CCDC192: variants seen among roughly 807,000 people sequenced by gnomAD.
The protein encoded by CCDC192 is coiled-coil domain containing 192.
intron 2 of CCDC192, among the ~76,000 whole-genome samples, chr5:127,732,827 A>C (rs561033160): frequency 6.6e-6 from 1 of 152,234 alleles, no homozygotes; most frequent in South Asian, 2.1e-4. Context: ...AATAACACAC[A>C]CTGGGGCCTG....
chr5:127,881,123 T>C (rs1752335810), intron 6 of CCDC192, among the ~76,000 whole-genome samples: 1 of 152,202 alleles, frequency 6.6e-6, no homozygotes, highest in Admixed American at 6.5e-5. Flanking sequence ...TCCAGTGGTA[T>C]AATTTCAGAC....
chr5:127,763,018 G>A (rs754897218), intron 3 of CCDC192, among the ~76,000 whole-genome samples: 10 of 151,416 alleles, frequency 6.6e-5, no homozygotes, highest in Non-Finnish European at 1.5e-4. Flanking sequence ...TGCAAATGAT[G>A]AAAGCTCTTT....
intron 3 of CCDC192, chr5:127,784,666 T>C: frequency 1.4e-6 from 1 of 732,292 alleles, no homozygotes; most frequent in Non-Finnish European, 2.3e-6. Context: ...CTCCAAATAT[T>C]CTTTCTCAAT....
chr5:127,722,487 G>T (rs1358383506), intron 2 of CCDC192, among the ~76,000 whole-genome samples: 2 of 151,876 alleles, frequency 1.3e-5, no homozygotes, highest in African/African-American at 4.8e-5. Context: ...GTCAATTTTT[G>T]CTTTAGTTCC....
intron 5 of CCDC192, among the ~76,000 whole-genome samples, chr5:127,842,772 A>G (rs1248253830): frequency 6.6e-6 from 1 of 152,184 alleles, no homozygotes; most frequent in East Asian, 1.9e-4. Context: ...TTATACTAGA[A>G]TCTTAGAACT....
intron 6 of CCDC192, among the ~76,000 whole-genome samples, chr5:127,889,430 T>G (rs1414704256): frequency 6.8e-6 from 1 of 148,012 alleles, no homozygotes; most frequent in Non-Finnish European, 1.5e-5. Context: ...TGAGACAGAG[T>G]CTTGCACTGT....
intron 2 of CCDC192, among the ~76,000 whole-genome samples, chr5:127,738,802 C>T (rs924613390): frequency 1.3e-5 from 2 of 152,332 alleles, no homozygotes; most frequent in African/African-American, 4.8e-5. Context: ...AAGCACTTCT[C>T]TGTATTGGTT....
At chr5:127,759,678 C>T (rs1754803545) in intron 3 of CCDC192, among the ~76,000 whole-genome samples, 1 of 152,214 alleles carries the variant, frequency 6.6e-6, no homozygotes, top group Non-Finnish European at 1.5e-5. Flanking sequence ...GTGGTCATAG[C>T]AGAACTGTGT....
At chr5:127,801,911 C>A (rs1757526387) in intron 5 of CCDC192, among the ~76,000 whole-genome samples, 1 of 152,210 alleles carries the variant, frequency 6.6e-6, no homozygotes, top group South Asian at 2.1e-4. Context: ...TATCTGTTGG[C>A]TACCTAAGTT....
chr5:127,803,355 C>T (rs1217614708), intron 5 of CCDC192, among the ~76,000 whole-genome samples: 1 of 152,160 alleles, frequency 6.6e-6, no homozygotes, highest in African/African-American at 2.4e-5. Flanking sequence ...CATGTGGGCA[C>T]CCAGGCTGAG....
intron 3 of CCDC192, among the ~76,000 whole-genome samples, chr5:127,782,407 G>A (rs1272329833): frequency 6.6e-6 from 1 of 151,806 alleles, no homozygotes; most frequent in African/African-American, 2.4e-5. Flanking sequence ...AATTCTTTGA[G>A]TGTCTGGTAA....
intron 2 of CCDC192, among the ~76,000 whole-genome samples, chr5:127,747,479 G>C (rs1434967397): frequency 2.6e-5 from 4 of 152,042 alleles, no homozygotes; most frequent in Non-Finnish European, 5.9e-5. Context: ...GTGTATATGT[G>C]CCACATTTTC....
chr5:127,815,758 C>T (rs1748988129), intron 5 of CCDC192, among the ~76,000 whole-genome samples: 1 of 151,990 alleles, frequency 6.6e-6, no homozygotes, highest in Non-Finnish European at 1.5e-5. Flanking sequence ...GTCCCAGCTC[C>T]TCAGGAGGCT....
intron 6 of CCDC192, among the ~76,000 whole-genome samples, chr5:127,911,218 A>G (rs539194229): frequency 6.6e-6 from 1 of 152,354 alleles, no homozygotes; most frequent in Non-Finnish European, 1.5e-5. Context: ...TGTGGGTCAT[A>G]AAATTGTTCA....
At chr5:127,735,503 G>A (rs1419793708) in intron 2 of CCDC192, among the ~76,000 whole-genome samples, 9 of 108,502 alleles carry the variant, frequency 8.3e-5, no homozygotes, top group Admixed American at 2.9e-4. Context: ...CATTGAATCT[G>A]TAAATTACCT....
chr5:127,910,733 C>T (rs557003675), intron 6 of CCDC192, among the ~76,000 whole-genome samples: 27 of 152,314 alleles, frequency 1.8e-4, no homozygotes, highest in African/African-American at 6.5e-4. Flanking sequence ...ACCACTGACT[C>T]TCCAGATCAC....
At chr5:127,883,738 G>C (rs1197548378) in intron 6 of CCDC192, among the ~76,000 whole-genome samples, 2 of 152,186 alleles carry the variant, frequency 1.3e-5, no homozygotes, top group Admixed American at 1.3e-4. Context: ...CAAATTTAGT[G>C]TGATTGTGAT....
chr5:127,844,632 G>GGTGA (rs1750445839), intron 5 of CCDC192, among the ~76,000 whole-genome samples: 1 of 152,178 alleles, frequency 6.6e-6, no homozygotes, highest in Non-Finnish European at 1.5e-5. Flanking sequence ...AGAGACAAAG[G>GGTGA]GTGAGGAGAC....
At chr5:127,777,125 C>T (rs1755911350) in intron 3 of CCDC192, among the ~76,000 whole-genome samples, 2 of 152,160 alleles carry the variant, frequency 1.3e-5, no homozygotes, top group South Asian at 4.1e-4. Flanking sequence ...CCTGGAAAAG[C>T]CACAAACACT....
Sources: gnomAD v4.1 joint callset for allele counts (sites outside exome capture counted in the v4.1 genomes callset) on GRCh38, gnomAD v4.1.1 for gene constraint, MANE v1.5 for transcripts, NCBI Gene and HGNC (gene_info 2026-07-23, HGNC 2026-07-21) for gene names.